Variants in NWD2 observed in about 807,000 individuals in gnomAD.
NWD2 encodes the protein NACHT and WD repeat domain containing 2, also known as NACHT and WD repeat domain-containing protein 2.
A neutral mutation model predicts 132.7 loss-of-function variants in NWD2; 37 were observed. The ratio of observed to expected loss-of-function variants is 0.28; its 90% CI spans 0.21 to 0.37. NWD2 has a LOEUF of 0.37. Ranked by LOEUF, NWD2 falls within the 10% of genes least tolerant of loss-of-function variation. NWD2 has a pLI of 1.00. For synonymous variants in NWD2, 705 were observed against 803.0 expected (o/e 0.88, Z 2.06); for missense variants, 1,592 against 2,122.4 (o/e 0.75, Z 4.91).
intron 3 of NWD2, among the ~76,000 whole-genome samples, chr4:37,372,600 C>T (rs1003429379): frequency 3.3e-5 from 5 of 152,134 alleles, no homozygotes; most frequent in South Asian, 2.1e-4. Flanking sequence ...GAATATTGGC[C>T]GCTACTAGTA....
intron 3 of NWD2, among the ~76,000 whole-genome samples, chr4:37,400,832 A>G (rs1046186123): frequency 6.6e-6 from 1 of 152,230 alleles, no homozygotes; most frequent in Non-Finnish European, 1.5e-5. Flanking sequence ...TTAAACGTCA[A>G]CTGAAACAGA....
chr4:37,286,098 C>T (rs1433649247), intron 1 of NWD2, among the ~76,000 whole-genome samples: 1 of 152,210 alleles, frequency 6.6e-6, no homozygotes, highest in Non-Finnish European at 1.5e-5. Context: ...TGTAACATCA[C>T]AGAGTATCAC....
chr4:37,343,404 T>C (rs1468555021), intron 2 of NWD2, among the ~76,000 whole-genome samples: 3 of 152,240 alleles, frequency 2.0e-5, no homozygotes, highest in African/African-American at 7.2e-5. Flanking sequence ...GAAAAGATTT[T>C]ACTTTCTTGA....
At chr4:37,257,755 G>A (rs1401877641) in intron 1 of NWD2, among the ~76,000 whole-genome samples, 2 of 152,214 alleles carry the variant, frequency 1.3e-5, no homozygotes, top group Non-Finnish European at 2.9e-5. Flanking sequence ...TTTTTAAAAT[G>A]ATGATTTAAT....
intron 1 of NWD2, among the ~76,000 whole-genome samples, chr4:37,308,536 C>G (rs1437936625): frequency 6.6e-6 from 1 of 152,136 alleles, no homozygotes; most frequent in Non-Finnish European, 1.5e-5. Flanking sequence ...GAGCAGACCC[C>G]AGGTAAACCA....
chr4:37,261,082 TAG>T (rs1418732498), intron 1 of NWD2, among the ~76,000 whole-genome samples: 1 of 152,202 alleles, frequency 6.6e-6, no homozygotes, highest in Non-Finnish European at 1.5e-5. Flanking sequence ...GTCAAGCTTG[TAG>T]AGTGTTTAAC....
chr4:37,373,965 G>A (rs745352560), intron 3 of NWD2, among the ~76,000 whole-genome samples: 42 of 152,304 alleles, frequency 2.8e-4, no homozygotes, highest in Non-Finnish European at 4.9e-4. Context: ...ACTGAAAACC[G>A]TGCATAGAGA....
At chr4:37,276,814 A>G (rs1453502484) in intron 1 of NWD2, among the ~76,000 whole-genome samples, 1 of 152,150 alleles carries the variant, frequency 6.6e-6, no homozygotes, top group African/African-American at 2.4e-5. Context: ...ATAGAAAATG[A>G]TGAGTTCATG....
chr4:37,365,346 A>G (rs1720079795), intron 3 of NWD2, among the ~76,000 whole-genome samples: 1 of 152,200 alleles, frequency 6.6e-6, no homozygotes, highest in Admixed American at 6.5e-5. Flanking sequence ...GGGGGTTTGT[A>G]TCATTTAGTT....
At chr4:37,345,520 C>G (rs1042440306) in intron 2 of NWD2, among the ~76,000 whole-genome samples, 2 of 152,128 alleles carry the variant, frequency 1.3e-5, no homozygotes, top group African/African-American at 2.4e-5. Context: ...AATGTCTACT[C>G]AGATCGTTTG....
chr4:37,261,241 G>C (rs1278455760), intron 1 of NWD2, among the ~76,000 whole-genome samples: 2 of 152,116 alleles, frequency 1.3e-5, no homozygotes, highest in Non-Finnish European at 2.9e-5. Flanking sequence ...ACCAGCTGGC[G>C]TGCATTAAAC....
intron 3 of NWD2, among the ~76,000 whole-genome samples, chr4:37,420,936 T>G (rs1417566043): frequency 6.6e-6 from 1 of 152,134 alleles, no homozygotes; most frequent in Non-Finnish European, 1.5e-5. Flanking sequence ...GCTTAATCTT[T>G]TGGCCCACAG....
At chr4:37,425,297 C>A (rs1711970309) in intron 3 of NWD2, among the ~76,000 whole-genome samples, 1 of 152,194 alleles carries the variant, frequency 6.6e-6, no homozygotes, top group Admixed American at 6.5e-5. Context: ...ATTATACATG[C>A]AGAAACTACA....
chr4:37,428,148 T>A (rs1712058282), intron 3 of NWD2, among the ~76,000 whole-genome samples: 1 of 152,230 alleles, frequency 6.6e-6, no homozygotes, highest in Non-Finnish European at 1.5e-5. Context: ...TGGACACAGA[T>A]CTACCAAGGA....
chr4:37,440,300 T>C (rs1209013118), intron 6 of NWD2, among the ~76,000 whole-genome samples: 1 of 152,164 alleles, frequency 6.6e-6, no homozygotes, highest in Non-Finnish European at 1.5e-5. Flanking sequence ...CAGAAACCCT[T>C]GTCAGCTCAC....
At chr4:37,405,421 TAATAGAATAG>T (rs36213513) in intron 3 of NWD2, among the ~76,000 whole-genome samples, 26,436 of 141,044 alleles carry the variant, frequency 0.19, 2,604 homozygotes, top group Non-Finnish European at 0.19. Flanking sequence ...TAGTTGAATG[TAATAGAATAG>T]AATAGAATAG....
chr4:37,273,647 C>T (rs1372974718), intron 1 of NWD2, among the ~76,000 whole-genome samples: 2 of 152,096 alleles, frequency 1.3e-5, no homozygotes, highest in South Asian at 4.2e-4. Flanking sequence ...AGCACCACAT[C>T]GCACTTATTC....
chr4:37,351,515 C>T (rs1577676688), intron 2 of NWD2, among the ~76,000 whole-genome samples: 1 of 152,296 alleles, frequency 6.6e-6, no homozygotes. Flanking sequence ...TCTGTGGGAT[C>T]AATGTTGATA....
intron 1 of NWD2, among the ~76,000 whole-genome samples, chr4:37,273,984 A>T (rs974441202): frequency 2.0e-5 from 3 of 152,186 alleles, no homozygotes; most frequent in Non-Finnish European, 4.4e-5. Flanking sequence ...AGCAGGAAAG[A>T]TCTAAAATTG....
Sources: allele counts gnomAD v4.1 joint callset (sites outside exome capture counted in the v4.1 genomes callset), GRCh38; gene constraint gnomAD v4.1.1; transcripts MANE v1.5; gene names NCBI Gene and HGNC (gene_info 2026-07-23, HGNC 2026-07-21).